CREB5: variants seen among roughly 807,000 people sequenced by gnomAD.
The protein encoded by CREB5 is cyclic AMP-responsive element-binding protein 5.
CREB5 carries 19 observed loss-of-function variants against 57.1 expected under a neutral mutation model. The observed-to-expected ratio is 0.33, with a 90% CI of 0.23 to 0.49. CREB5 has a LOEUF of 0.49. CREB5 is among the 20% of genes least tolerant of loss of function. The pLI is 0.99. For synonymous variants in CREB5, 238 were observed against 238.3 expected, an observed-to-expected ratio of 1.00 and a Z score of 0.01; for missense variants, 579 against 671.6, an observed-to-expected ratio of 0.86 and a Z score of 1.52.
intron 5 of CREB5, among the ~76,000 whole-genome samples, chr7:28,631,337 G>A (rs567632060): frequency 6.6e-6 from 1 of 152,276 alleles, no homozygotes; most frequent in South Asian, 2.1e-4. Context: ...GAAACCCTGC[G>A]TTAAAGCCTC....
At chr7:28,337,364 A>G (rs1284274778) in intron 1 of CREB5, among the ~76,000 whole-genome samples, 2 of 152,076 alleles carry the variant, frequency 1.3e-5, no homozygotes, top group African/African-American at 2.4e-5. Flanking sequence ...TGCTTTATAC[A>G]ACTAGGTGCT....
intron 1 of CREB5, among the ~76,000 whole-genome samples, chr7:28,476,505 A>G (rs963597338): frequency 1.3e-5 from 2 of 151,886 alleles, no homozygotes; most frequent in Non-Finnish European, 2.9e-5. Flanking sequence ...AATCTATATC[A>G]CCTATAGTCT....
chr7:28,658,971 A>ATATATGTG, intron 5 of CREB5, among the ~76,000 whole-genome samples: 1 of 140,602 alleles, frequency 7.1e-6, no homozygotes, highest in African/African-American at 2.6e-5. Flanking sequence ...ATATATATAT[A>ATATATGTG]TATATATATG....
intron 3 of CREB5, among the ~76,000 whole-genome samples, chr7:28,504,421 T>A (rs963786185): frequency 6.6e-6 from 1 of 152,170 alleles, no homozygotes; most frequent in East Asian, 1.9e-4. Flanking sequence ...ATATCTAAGG[T>A]GTGCTCATTG....
chr7:28,429,868 G>A (rs139200550), intron 1 of CREB5, among the ~76,000 whole-genome samples: 51 of 152,266 alleles, frequency 3.3e-4, no homozygotes, highest in African/African-American at 1.1e-3. Flanking sequence ...GGTTAGAGGC[G>A]TTGTGTCGGG....
At chr7:28,819,073 G>C in intron 10 of CREB5, 43 bp from the exon 11 acceptor site, 1 of 1,577,068 alleles carries the variant, frequency 6.3e-7, no homozygotes, top group Non-Finnish European at 8.6e-7. Flanking sequence ...ACCTATATTG[G>C]TGTGTGTGTA....
chr7:28,626,404 C>A (rs866166940), intron 5 of CREB5, among the ~76,000 whole-genome samples: 19 of 152,260 alleles, frequency 1.2e-4, no homozygotes, highest in African/African-American at 4.3e-4. Context: ...TGTGTGTTAA[C>A]CCACCCATCC....
At chr7:28,366,486 T>C (rs1786589670) in intron 1 of CREB5, among the ~76,000 whole-genome samples, 1 of 152,170 alleles carries the variant, frequency 6.6e-6, no homozygotes, top group South Asian at 2.1e-4. Flanking sequence ...ATCCTCTCCA[T>C]ATTTTGTCTT....
At chr7:28,480,563 C>G (rs1791282090) in intron 1 of CREB5, among the ~76,000 whole-genome samples, 1 of 152,136 alleles carries the variant, frequency 6.6e-6, no homozygotes, top group African/African-American at 2.4e-5. Context: ...AGTTTGCCAC[C>G]AGTCAGCATG....
intron 4 of CREB5, among the ~76,000 whole-genome samples, chr7:28,569,061 A>G (rs988254402): frequency 6.6e-5 from 10 of 151,948 alleles, no homozygotes; most frequent in African/African-American, 2.4e-4. Flanking sequence ...CCACCCTTCT[A>G]GGCTGAAGAG....
chr7:28,474,606 A>G (rs561362262), intron 1 of CREB5, among the ~76,000 whole-genome samples: 27 of 152,304 alleles, frequency 1.8e-4, no homozygotes, highest in African/African-American at 6.3e-4. Flanking sequence ...ATGAGGAAAT[A>G]ACGATCATAC....
intron 1 of CREB5, among the ~76,000 whole-genome samples, chr7:28,471,719 C>A (rs1790817653): frequency 6.6e-6 from 1 of 152,212 alleles, no homozygotes; most frequent in Admixed American, 6.5e-5. Context: ...GCAGGCCCTG[C>A]AGACTCTCCT....
intron 1 of CREB5, among the ~76,000 whole-genome samples, chr7:28,380,943 C>A (rs1320592214): frequency 6.6e-6 from 1 of 152,118 alleles, no homozygotes; most frequent in Non-Finnish European, 1.5e-5. Context: ...CTCCCATGTA[C>A]CCTCCATGAA....
intron 4 of CREB5, among the ~76,000 whole-genome samples, chr7:28,515,498 T>C (rs1429380221): frequency 6.6e-6 from 1 of 152,166 alleles, no homozygotes; most frequent in Non-Finnish European, 1.5e-5. Context: ...GATGTTCCCA[T>C]TGAACATACC....
intron 5 of CREB5, among the ~76,000 whole-genome samples, chr7:28,590,769 T>G (rs1368834025): frequency 1.3e-5 from 2 of 151,974 alleles, no homozygotes; most frequent in Non-Finnish European, 2.9e-5. Flanking sequence ...AATCACTCAG[T>G]GCCTCTGTTT....
At chr7:28,724,171 G>C (rs561119226) in intron 6 of CREB5, 51 bp from the exon 7 acceptor site, 3 of 1,502,906 alleles carry the variant, frequency 2.0e-6, no homozygotes, top group East Asian at 4.5e-5. Flanking sequence ...TTTGTCTAAT[G>C]ACCTAGACTG....
chr7:28,760,920 CTAAT>C (rs1007819747), intron 7 of CREB5, among the ~76,000 whole-genome samples: 2 of 152,082 alleles, frequency 1.3e-5, no homozygotes, highest in African/African-American at 4.8e-5. Context: ...AAAATGCTAA[CTAAT>C]TAATCTTCCA....
intron 1 of CREB5, among the ~76,000 whole-genome samples, chr7:28,369,149 C>G (rs1394994996): frequency 6.6e-6 from 1 of 152,232 alleles, no homozygotes; most frequent in Admixed American, 6.5e-5. Flanking sequence ...TTATTTATCT[C>G]TGTATACCCA....
chr7:28,606,242 T>C (rs996339666), intron 5 of CREB5, among the ~76,000 whole-genome samples: 1 of 152,212 alleles, frequency 6.6e-6, no homozygotes, highest in Non-Finnish European at 1.5e-5. Context: ...AGATTTTTCC[T>C]ACTTAACTAG....
Sources: gnomAD v4.1 joint callset for allele counts (sites outside exome capture counted in the v4.1 genomes callset) on GRCh38, gnomAD v4.1.1 for gene constraint, MANE v1.5 for transcripts, NCBI Gene and HGNC (gene_info 2026-07-23, HGNC 2026-07-21) for gene names.